PM20D1: variants seen among roughly 807,000 people sequenced by gnomAD.
PM20D1 encodes peptidase M20 domain containing 1.
In PM20D1, 53 loss-of-function variants were observed where a neutral mutation model predicts 53.8. The ratio of observed to expected loss-of-function variants is 0.98; its 90% CI spans 0.79 to 1.24. The LOEUF (loss-of-function observed/expected upper bound fraction) is 1.24, where lower values mean the gene tolerates loss of function less well. Ranked by LOEUF, PM20D1 falls within the 50% of genes most tolerant of loss-of-function variation. The pLI, the probability that PM20D1 is intolerant of heterozygous loss-of-function variation, is 0.00. For missense variants in PM20D1, 564 were observed against 616.8 expected (o/e 0.91, Z 0.91); for synonymous variants, 239 against 241.3 (o/e 0.99, Z 0.09).
chr1:205,848,739 C>T (rs1657060174), intron 1 of PM20D1, among the ~76,000 whole-genome samples: 1 of 152,200 alleles, frequency 6.6e-6, no homozygotes, highest in Admixed American at 6.5e-5. Flanking sequence ...AACAAATTCA[C>T]CTGAGGCAGG....
intron 10 of PM20D1, among the ~76,000 whole-genome samples, chr1:205,834,323 T>C (rs541372044): frequency 2.7e-4 from 41 of 152,310 alleles, no homozygotes; most frequent in East Asian, 1.5e-3. Flanking sequence ...GTGTGGCTAA[T>C]TTTTGTATTT....
chr1:205,830,976 C>G (rs1006273739), intron 11 of PM20D1, among the ~76,000 whole-genome samples: 1 of 152,172 alleles, frequency 6.6e-6, no homozygotes, highest in Admixed American at 6.5e-5. Context: ...AAATAAATAC[C>G]CTCTGGGAGA....
chr1:205,835,143 T>C (rs1656655452), intron 10 of PM20D1, among the ~76,000 whole-genome samples: 1 of 152,136 alleles, frequency 6.6e-6, no homozygotes. Flanking sequence ...AGAGGAGGTG[T>C]TCATCTGAGA....
intron 1 of PM20D1, 73 bp downstream of exon 1, chr1:205,849,831 G>C: frequency 6.6e-7 from 1 of 1,511,596 alleles, no homozygotes. Flanking sequence ...GCGGAAGCGG[G>C]GAGTCACGGG....
At chr1:205,835,461 G>A (rs1010557586) in intron 10 of PM20D1, among the ~76,000 whole-genome samples, 2 of 151,990 alleles carry the variant, frequency 1.3e-5, no homozygotes, top group East Asian at 1.9e-4. Flanking sequence ...GACCATCCTG[G>A]CTAACACAGT....
chr1:205,838,982 C>T (rs973507234), intron 10 of PM20D1, among the ~76,000 whole-genome samples: 1 of 152,184 alleles, frequency 6.6e-6, no homozygotes, highest in Non-Finnish European at 1.5e-5. Context: ...TGAAATAGCT[C>T]TCTGTCTCCT....
intron 10 of PM20D1, 87 bp from the exon 11 acceptor site, chr1:205,832,853 G>T: frequency 2.1e-6 from 3 of 1,404,372 alleles, no homozygotes; most frequent in Non-Finnish European, 2.9e-6. Flanking sequence ...TTTCTTTCCA[G>T]CAAGGCAGAG....
intron 9 of PM20D1, among the ~76,000 whole-genome samples, chr1:205,841,422 C>A (rs1013019920): frequency 6.6e-6 from 1 of 152,102 alleles, no homozygotes; most frequent in Admixed American, 6.5e-5. Context: ...AACAAAGTAT[C>A]CTGGGGAGAT....
At chr1:205,841,987 AAGACTG>A (rs1410552607) in intron 8 of PM20D1, 98 bp from the exon 9 acceptor site, 1 of 1,277,262 alleles carries the variant, frequency 7.8e-7, no homozygotes, top group African/African-American at 1.5e-5. Context: ...GGGGATCTTT[AAGACTG>A]AGAGAGACGT....
intron 10 of PM20D1, among the ~76,000 whole-genome samples, chr1:205,834,093 C>T (rs1656629691): frequency 6.6e-6 from 1 of 151,538 alleles, no homozygotes; most frequent in Admixed American, 6.6e-5. Flanking sequence ...AGTGATCTGC[C>T]CGCCTTGGCC....
At chr1:205,839,788 A>T (rs1180925100) in intron 10 of PM20D1, among the ~76,000 whole-genome samples, 1 of 151,886 alleles carries the variant, frequency 6.6e-6, no homozygotes, top group Admixed American at 6.6e-5. Context: ...GCACGTGCCT[A>T]TAGTCCCAGC....
chr1:205,828,504 G>C lies in PM20D1; in HGVS notation c.*116C>G, dbSNP rs766085884. The C allele has an allele frequency of 2.5e-5, 35 of 1,412,932 alleles. No individual in the cohort carries two copies. The highest frequency in any genetic ancestry group is 3.2e-5 in the Non-Finnish European group (34 of 1,049,164). 87.5% of individuals were successfully genotyped at this position (1,412,932 alleles called of 1,614,324 possible). Reference sequence around the variant, plus strand: ...GGAGAGTTTAAGAGTGAGCAAGACAGATGGGCAATGTTTTACAATGTGGTT... The same window carrying C: ...GGAGAGTTTAAGAGTGAGCAAGACACATGGGCAATGTTTTACAATGTGGTT... On this transcript the variant is annotated 3_prime_UTR_variant, in exon 13 of 13. Coordinates refer to ENST00000367136, the MANE Select transcript of PM20D1 (RefSeq NM_152491.5).
intron 9 of PM20D1, among the ~76,000 whole-genome samples, chr1:205,840,654 T>C (rs1002755234): frequency 6.6e-6 from 1 of 152,216 alleles, no homozygotes; most frequent in Non-Finnish European, 1.5e-5. Flanking sequence ...GCCTTCTGTG[T>C]GCACTTTCTT....
rs148935988 is a variant in PM20D1 at position 205,830,732 on chromosome 1, A to G, written c.1286-353T>C. 7.4e-3 allele frequency among the ~76,000 whole-genome samples: 1,111 copies of G among 151,146 alleles called. 15 individuals carry two copies. The highest frequency in any genetic ancestry group is 0.026 in the African/African-American group (1,067 of 41,106). On this transcript the variant is annotated intron_variant, in intron 11 of 12. Transcript: ENST00000367136. ...CCCCATGACGCCCAGGGTGGCCAGTATCTTCATTTCATACCCAAGGCCATG... is the reference window on the plus strand; with the variant it reads ...CCCCATGACGCCCAGGGTGGCCAGTGTCTTCATTTCATACCCAAGGCCATG...
At chr1:205,845,235 C>T in intron 3 of PM20D1, 90 bp downstream of exon 3, 1 of 1,301,288 alleles carries the variant, frequency 7.7e-7, no homozygotes, top group Non-Finnish European at 1.1e-6. Context: ...TTCTTTTTAC[C>T]ATTATCTCCC....
chr1:205,833,066 C>A (rs537261288), intron 10 of PM20D1, among the ~76,000 whole-genome samples: 2 of 152,320 alleles, frequency 1.3e-5, no homozygotes, highest in South Asian at 4.1e-4. Context: ...GCAATCAAAC[C>A]AACGAAGTGG....
intron 10 of PM20D1, among the ~76,000 whole-genome samples, chr1:205,835,823 G>A (rs1656674435): frequency 1.3e-5 from 2 of 152,178 alleles, no homozygotes; most frequent in South Asian, 4.1e-4. Context: ...TGTCAATGGT[G>A]AGAGACCTCA....
intron 1 of PM20D1, 142 bp downstream of exon 1, chr1:205,849,762 T>A: frequency 9.9e-7 from 1 of 1,012,672 alleles, no homozygotes; most frequent in Non-Finnish European, 1.4e-6. Context: ...CTGGGAAGGG[T>A]GTTGGGGCCG....
Position 205,845,558 on chromosome 1 carries a change from C to G in PM20D1, c.257-1G>C. 1 of 1,609,990 alleles carries G rather than the reference C, an allele frequency of 6.2e-7. No individual in the cohort carries two copies. The highest frequency in any genetic ancestry group is 8.5e-7 in the Non-Finnish European group (1 of 1,177,746). On this transcript the variant is annotated splice_acceptor_variant, in intron 2 of 12. Transcript: ENST00000367136. LOFTEE classifies it high-confidence loss of function. ...CTGGTGCTGACCACTGTAGGAAAGA[C>G]TAGAAGCAAAAAGGGCAGGAAGAGA...
Sources: gnomAD v4.1 joint callset for allele counts (sites outside exome capture counted in the v4.1 genomes callset) on GRCh38, gnomAD v4.1.1 for gene constraint, MANE v1.5 for transcripts, NCBI Gene and HGNC (gene_info 2026-07-23, HGNC 2026-07-21) for gene names.